The following CWF19L1 variants were observed in gnomAD, a reference collection of about 807,000 sequenced individuals.
CWF19L1 encodes CWF19-like protein 1.
A neutral mutation model predicts 69.7 loss-of-function variants in CWF19L1; 60 were observed. That is an observed-to-expected ratio of 0.86 (90% confidence interval 0.70 to 1.07). The LOEUF (loss-of-function observed/expected upper bound fraction) is 1.07, where lower values mean the gene tolerates loss of function less well. CWF19L1 is among the 50% of genes least tolerant of loss of function. The pLI, the probability that CWF19L1 is intolerant of heterozygous loss-of-function variation, is 0.00. For synonymous variants in CWF19L1, 209 were observed against 222.2 expected, an observed-to-expected ratio of 0.94 and a Z score of 0.53; for missense variants, 591 against 638.9, an observed-to-expected ratio of 0.92 and a Z score of 0.81.
Position 100,233,182 on chromosome 10 carries a change from C to A in CWF19L1, c.*45G>T. The A allele has an allele frequency of 6.8e-7, 1 of 1,464,516 alleles. No individual in the cohort carries two copies. Among genetic ancestry groups the A allele is most frequent in the Non-Finnish European group, 9.1e-7 (1 of 1,094,176 alleles). 90.7% of individuals were successfully genotyped at this position (1,464,516 alleles called of 1,614,324 possible). On this transcript the variant is annotated 3_prime_UTR_variant, in exon 14 of 14. Transcript: ENST00000354105. Reference sequence around the variant, plus strand: ...TCTTTTAATTAAAAAAAAAAAAAAGCTTTACTACTTCCTGTGGAGTTCATA... The same window carrying A: ...TCTTTTAATTAAAAAAAAAAAAAAGATTTACTACTTCCTGTGGAGTTCATA...
At chr10:100,263,702 C>A (rs942211817) in intron 1 of CWF19L1, among the ~76,000 whole-genome samples, 1 of 152,168 alleles carries the variant, frequency 6.6e-6, no homozygotes, top group Admixed American at 6.6e-5. Context: ...CTCTATCCCA[C>A]TGAATAAAGA....
intron 4 of CWF19L1, among the ~76,000 whole-genome samples, chr10:100,257,593 C>A (rs1847258798): frequency 6.6e-6 from 1 of 151,950 alleles, no homozygotes; most frequent in South Asian, 2.1e-4. Context: ...CCACCACGCC[C>A]AGCCTACTTT....
rs763874714 is a variant in CWF19L1 at position 100,256,459 on chromosome 10, T to TGAA, written c.304_306dup (p.Phe102dup). ...ACAATCTGCAGCCCCGAGCTTCCAG[T>TGAA]GAAGATACCTTTACGACCTGGGTTC... On this transcript the variant is annotated inframe_insertion, in exon 5 of 14. Coordinates refer to ENST00000354105, the MANE Select transcript of CWF19L1 (RefSeq NM_018294.6). 3.1e-6 allele frequency: 5 copies of TGAA among 1,614,022 alleles called. No individual in the cohort carries two copies. In the African/African-American group the frequency reaches 6.7e-5, roughly 22 times the overall value.
intron 6 of CWF19L1, among the ~76,000 whole-genome samples, chr10:100,252,628 T>C (rs1847077389): frequency 1.3e-5 from 2 of 150,742 alleles, no homozygotes; most frequent in Non-Finnish European, 3.0e-5. Flanking sequence ...AGATCAAGAG[T>C]TCAAGACCAG....
rs145074650 is a variant in CWF19L1 at position 100,233,021 on chromosome 10, G to A, written c.*206C>T. 26 of 387,382 alleles carry A rather than the reference G, an allele frequency of 6.7e-5. No homozygotes were observed. In the East Asian group the frequency reaches 6.9e-4, roughly 10 times the overall value. 24.0% of individuals were successfully genotyped at this position (387,382 alleles called of 1,614,324 possible). ...AAGTTTGCCAGGCATGGTAGCATGC[G>A]CCTGTGGTCCCAGCTACTCATGAGG... is the stretch of plus-strand genomic sequence containing the variant. On this transcript the variant is annotated 3_prime_UTR_variant, in exon 14 of 14. Coordinates refer to ENST00000354105, the MANE Select transcript of CWF19L1 (RefSeq NM_018294.6).
At chr10:100,248,941 G>A in intron 7 of CWF19L1, 1 of 786,266 alleles carries the variant, frequency 1.3e-6, no homozygotes. Flanking sequence ...CAACTCACTG[G>A]CCACCGCAGG....
At chr10:100,257,933 C>A (rs1014252652) in intron 4 of CWF19L1, among the ~76,000 whole-genome samples, 5 of 152,070 alleles carry the variant, frequency 3.3e-5, no homozygotes, top group African/African-American at 1.2e-4. Context: ...CTCTTCAACA[C>A]TGATACTCTA....
intron 5 of CWF19L1, 85 bp downstream of exon 5, chr10:100,256,173 TACTC>T (rs1847205366): frequency 3.1e-6 from 3 of 970,736 alleles, no homozygotes; most frequent in Admixed American, 2.0e-5. Flanking sequence ...AGAGCTAAAA[TACTC>T]AATATAAACA....
At chr10:100,262,889 G>A (rs1340918534) in intron 1 of CWF19L1, among the ~76,000 whole-genome samples, 2 of 150,960 alleles carry the variant, frequency 1.3e-5, no homozygotes, top group African/African-American at 2.4e-5. Context: ...TTTTGTGAGT[G>A]TCTCTTTCTG....
At chr10:100,249,020 G>C in intron 7 of CWF19L1, 1 of 620,150 alleles carries the variant, frequency 1.6e-6, no homozygotes. Context: ...TTATACTCTG[G>C]GAACATCAGC....
rs919127733 is a variant in CWF19L1 at position 100,233,054 on chromosome 10, G to A, written c.*173C>T. 9.5e-6 allele frequency: 5 copies of A among 526,268 alleles called. No individual in the cohort carries two copies. Among genetic ancestry groups the A allele is most frequent in the African/African-American group, 7.9e-5 (4 of 50,906 alleles). The allele number at this position is 526,268 out of a possible 1,614,324, so 32.6% of individuals were successfully genotyped here. A position where few individuals can be genotyped will look rare whatever the true frequency, so the allele number is the denominator to read the frequency against. On this transcript the variant is annotated 3_prime_UTR_variant, in exon 14 of 14. Coordinates refer to ENST00000354105, the MANE Select transcript of CWF19L1 (RefSeq NM_018294.6). Reference sequence around the variant, plus strand: ...TCCCAGCTACTCATGAGGCTGAGGTGGGAGGAACTCTAGAGCCCAGGAGGT... The same window carrying A: ...TCCCAGCTACTCATGAGGCTGAGGTAGGAGGAACTCTAGAGCCCAGGAGGT...
At chr10:100,262,160 T>A in intron 1 of CWF19L1, 97 bp from the exon 2 acceptor site, 1 of 1,467,468 alleles carries the variant, frequency 6.8e-7, no homozygotes, top group Non-Finnish European at 9.0e-7. Flanking sequence ...AGATACATGA[T>A]CTAGTCTCTC....
At chr10:100,255,434 C>T (rs887869056) in intron 5 of CWF19L1, among the ~76,000 whole-genome samples, 3 of 151,976 alleles carry the variant, frequency 2.0e-5, no homozygotes, top group Non-Finnish European at 2.9e-5. Flanking sequence ...TACTTGAGGT[C>T]AGGAGTTTGA....
chr10:100,236,803 A>C (rs557560935), intron 12 of CWF19L1, 47 bp downstream of exon 12: 9 of 1,537,670 alleles, frequency 5.9e-6, no homozygotes, highest in Middle Eastern at 1.8e-4. Flanking sequence ...AACAACAAAA[A>C]AAACAGATAT....
intron 1 of CWF19L1, 112 bp downstream of exon 1, chr10:100,267,459 C>T (rs1847639716): frequency 1.9e-6 from 3 of 1,602,616 alleles, no homozygotes; most frequent in Non-Finnish European, 1.7e-6. Context: ...AGCCCCGTGT[C>T]TCTCCGCCTT....
intron 10 of CWF19L1, among the ~76,000 whole-genome samples, chr10:100,240,921 G>T (rs1048291000): frequency 2.0e-5 from 3 of 149,576 alleles, no homozygotes; most frequent in Non-Finnish European, 4.4e-5. Context: ...TCATCCACAG[G>T]TTCTATGGCT....
intron 1 of CWF19L1, 93 bp downstream of exon 1, chr10:100,267,478 C>G (rs527853186): frequency 6.2e-7 from 1 of 1,611,218 alleles, no homozygotes; most frequent in South Asian, 1.1e-5. Flanking sequence ...TTTTCCTTCT[C>G]CCTTCCCGTC....
At chr10:100,246,625 A>G (rs368123315) in intron 8 of CWF19L1, among the ~76,000 whole-genome samples, 170 bp downstream of exon 8, 2 of 152,230 alleles carry the variant, frequency 1.3e-5, no homozygotes, top group Non-Finnish European at 2.9e-5. Context: ...CCAAACTACA[A>G]TAAAAAACAC....
chr10:100,262,114 G>T (rs762486658), intron 1 of CWF19L1, 51 bp from the exon 2 acceptor site: 1 of 1,584,962 alleles, frequency 6.3e-7, no homozygotes, highest in Admixed American at 1.9e-5. Flanking sequence ...AAATGGGCCT[G>T]CCGGGTTTGG....
Sources: allele counts gnomAD v4.1 joint callset (sites outside exome capture counted in the v4.1 genomes callset), GRCh38; gene constraint gnomAD v4.1.1; transcripts MANE v1.5; gene names NCBI Gene and HGNC (gene_info 2026-07-23, HGNC 2026-07-21).